Variants in RBPJ observed in about 807,000 individuals in gnomAD.
RBPJ encodes the protein recombining binding protein suppressor of hairless.
RBPJ carries 9 observed loss-of-function variants against 67.8 expected under a neutral mutation model. The ratio of observed to expected loss-of-function variants is 0.13; its 90% CI spans 0.08 to 0.23. The LOEUF is 0.23. Ranked by LOEUF, RBPJ falls within the 10% of genes least tolerant of loss-of-function variation. The pLI is 1.00. For synonymous variants in RBPJ, 198 were observed against 203.3 expected (o/e 0.97, Z 0.22); for missense variants, 305 against 595.6 (o/e 0.51, Z 5.08).
At chr4:26,404,818 C>G (rs1733224360) in intron 2 of RBPJ, among the ~76,000 whole-genome samples, 1 of 152,198 alleles carries the variant, frequency 6.6e-6, no homozygotes, top group South Asian at 2.1e-4. Context: ...ACGCCTTATG[C>G]TTTCCTCCTC....
rs1736410607 is a variant in RBPJ at position 26,433,520 on chromosome 4, T to A, written c.*2513T>A. The A allele has an allele frequency of 6.6e-6, 1 of 152,200 alleles. No individual in the cohort carries two copies. The highest frequency in any genetic ancestry group is 2.4e-5 in the African/African-American group (1 of 41,440). The allele number at this position is 152,200 out of a possible 1,614,324, so 9.4% of individuals were successfully genotyped here. A position where few individuals can be genotyped will look rare whatever the true frequency, so the allele number is the denominator to read the frequency against. ...ATGACCTTATTAAAATGAACTTGTG[T>A]TTTTTTAACAAACATGTATGTTTTA... On this transcript the variant is annotated 3_prime_UTR_variant, in exon 11 of 11. Transcript: ENST00000355476.
At chr4:26,285,984 G>C (rs569591704) in intron 1 of RBPJ, among the ~76,000 whole-genome samples, 1 of 140,336 alleles carries the variant, frequency 7.1e-6, no homozygotes, top group African/African-American at 2.5e-5. Flanking sequence ...GCTTAGTGGC[G>C]TATGCCTGTA....
At chr4:26,124,823 T>C in the RBPJ span, among the ~76,000 whole-genome samples, 2 of 152,090 alleles carry the variant, frequency 1.3e-5, no homozygotes, top group Non-Finnish European at 2.9e-5. Flanking sequence ...CATCGTGCTA[T>C]GATGTTGATT....
chr4:26,339,909 C>T (rs999110260), intron 1 of RBPJ, among the ~76,000 whole-genome samples: 1 of 151,922 alleles, frequency 6.6e-6, no homozygotes, highest in Non-Finnish European at 1.5e-5. Context: ...ATACCAGCTA[C>T]TTGGGAGGCT....
intron 1 of RBPJ, among the ~76,000 whole-genome samples, chr4:26,245,785 T>C (rs996614919): frequency 6.6e-6 from 1 of 152,228 alleles, no homozygotes; most frequent in African/African-American, 2.4e-5. Flanking sequence ...CATATGTGAA[T>C]ATGTAGTTGT....
the RBPJ span, among the ~76,000 whole-genome samples, chr4:26,155,817 A>G: frequency 6.6e-6 from 1 of 152,228 alleles, no homozygotes; most frequent in Non-Finnish European, 1.5e-5. Context: ...CTGCAGGTTC[A>G]GTGAAGGTAC....
intron 1 of RBPJ, among the ~76,000 whole-genome samples, chr4:26,186,521 C>A (rs184004824): frequency 6.6e-6 from 1 of 152,112 alleles, no homozygotes; most frequent in Non-Finnish European, 1.5e-5. Flanking sequence ...GTGGACCCAA[C>A]CACTCTCTTT....
At chr4:26,332,868 C>G (rs1258286932) in intron 1 of RBPJ, among the ~76,000 whole-genome samples, 1 of 152,164 alleles carries the variant, frequency 6.6e-6, no homozygotes, top group Non-Finnish European at 1.5e-5. Flanking sequence ...AGGCTGGTTT[C>G]AAACTGCTGG....
intron 1 of RBPJ, among the ~76,000 whole-genome samples, chr4:26,203,028 GAAAGA>G (rs1169712330): frequency 6.0e-5 from 9 of 151,026 alleles, no homozygotes; most frequent in Non-Finnish European, 1.0e-4. Flanking sequence ...GAAAAGAGAA[GAAAGA>G]AAAGAAAAGA....
upstream of RBPJ, among the ~76,000 whole-genome samples, chr4:26,159,976 T>C (rs1240451524): frequency 1.3e-5 from 2 of 151,732 alleles, no homozygotes; most frequent in Non-Finnish European, 2.9e-5. Flanking sequence ...TGGGGTGCAG[T>C]GGCGCGATCT....
chr4:26,203,202 A>G (rs1718050470), intron 1 of RBPJ, among the ~76,000 whole-genome samples: 2 of 152,148 alleles, frequency 1.3e-5, no homozygotes, highest in African/African-American at 4.8e-5. Flanking sequence ...CAAAAATCAA[A>G]TTTCTATGCT....
At chr4:26,398,064 G>A (rs2109699869) in intron 2 of RBPJ, among the ~76,000 whole-genome samples, 1 of 120,842 alleles carries the variant, frequency 8.3e-6, no homozygotes, top group African/African-American at 2.7e-5. Context: ...ATGTTCACGA[G>A]TGATATTGTG....
Position 26,178,449 on chromosome 4 carries a change from T to A in RBPJ, c.-167+14835T>A, listed in dbSNP as rs755310115. Among the ~76,000 whole-genome samples the A allele has an allele frequency of 9.2e-5, 14 of 151,832 alleles. No homozygotes were observed. In the East Asian group the frequency reaches 1.2e-3, roughly 13 times the overall value. Reference sequence around the variant, plus strand: ...TAGCAAGTCCCTGTCTGTACAAAAATTTTTTTTAATTAGCCAGGTGTGATG... The same window carrying A: ...TAGCAAGTCCCTGTCTGTACAAAAAATTTTTTTAATTAGCCAGGTGTGATG... On this transcript the variant is annotated intron_variant, in intron 1 of 4. Transcript: ENST00000512351.
At chr4:26,255,204 A>G (rs1368057853) in intron 1 of RBPJ, among the ~76,000 whole-genome samples, 1 of 143,018 alleles carries the variant, frequency 7.0e-6, no homozygotes, top group African/African-American at 2.7e-5. Context: ...GGAGATCGGG[A>G]CCATCCTGGC....
chr4:26,307,428 A>C (rs991915395), intron 1 of RBPJ, among the ~76,000 whole-genome samples: 11 of 152,188 alleles, frequency 7.2e-5, no homozygotes, highest in Admixed American at 3.3e-4. Context: ...TTTTGCCTAG[A>C]TTCTGTGTTT....
intron 1 of RBPJ, among the ~76,000 whole-genome samples, chr4:26,168,778 T>A (rs1296993126): frequency 6.6e-6 from 1 of 152,174 alleles, no homozygotes; most frequent in African/African-American, 2.4e-5. Flanking sequence ...TTCTTTTTAT[T>A]CTTTTTTCTC....
At chr4:26,191,143 C>A (rs1717488180) in intron 1 of RBPJ, among the ~76,000 whole-genome samples, 1 of 85,406 alleles carries the variant, frequency 1.2e-5, no homozygotes, top group East Asian at 3.6e-4. Flanking sequence ...CGGAATGAGA[C>A]CCTGTCTCAA....
At chr4:26,360,737 A>C (rs1041817167) in intron 1 of RBPJ, among the ~76,000 whole-genome samples, 3 of 151,350 alleles carry the variant, frequency 2.0e-5, no homozygotes, top group African/African-American at 7.3e-5. Flanking sequence ...GCGCGTCACT[A>C]TGACCAGCTA....
At chr4:26,368,931 A>G (rs574293165) in intron 1 of RBPJ, among the ~76,000 whole-genome samples, 1 of 152,300 alleles carries the variant, frequency 6.6e-6, no homozygotes, top group African/African-American at 2.4e-5. Context: ...TTTGAAATAA[A>G]CAGTCACTAT....
Sources: allele counts gnomAD v4.1 joint callset (sites outside exome capture counted in the v4.1 genomes callset), GRCh38; gene constraint gnomAD v4.1.1; transcripts MANE v1.5; gene names NCBI Gene and HGNC (gene_info 2026-07-23, HGNC 2026-07-21).